SLC24A3: variants seen among roughly 807,000 people sequenced by gnomAD.
SLC24A3 encodes solute carrier family 24 member 3, also known as sodium/potassium/calcium exchanger 3.
Under a neutral mutation model 75.8 loss-of-function variants are expected in SLC24A3, and 28 were observed. The ratio of observed to expected loss-of-function variants is 0.37; its 90% CI spans 0.27 to 0.51. The LOEUF is 0.51. SLC24A3 is among the 20% of genes least tolerant of loss of function. The pLI is 0.94. For synonymous variants in SLC24A3, 372 were observed against 334.1 expected, an observed-to-expected ratio of 1.11 and a Z score of -1.24; for missense variants, 663 against 847.8, an observed-to-expected ratio of 0.78 and a Z score of 2.71.
chr20:19,388,852 T>G (rs1986318365), intron 2 of SLC24A3, among the ~76,000 whole-genome samples: 2 of 152,212 alleles, frequency 1.3e-5, no homozygotes, highest in African/African-American at 4.8e-5. Context: ...ATTGGATAAT[T>G]TCAGCCATTT....
intron 6 of SLC24A3, among the ~76,000 whole-genome samples, chr20:19,588,617 T>C (rs2031331879): frequency 6.6e-6 from 1 of 152,244 alleles, no homozygotes; most frequent in Non-Finnish European, 1.5e-5. Context: ...GTTCTTGGCA[T>C]CACTTCAAGA....
intron 6 of SLC24A3, among the ~76,000 whole-genome samples, chr20:19,632,947 C>T (rs896118452): frequency 6.6e-6 from 1 of 152,302 alleles, no homozygotes; most frequent in South Asian, 2.1e-4. Flanking sequence ...CTACAAGATA[C>T]GGACAACTTT....
intron 9 of SLC24A3, among the ~76,000 whole-genome samples, chr20:19,673,890 A>T (rs961063501): frequency 6.6e-6 from 1 of 152,196 alleles, no homozygotes; most frequent in Non-Finnish European, 1.5e-5. Flanking sequence ...TTCACTTGAG[A>T]ACTCTCTAGA....
intron 3 of SLC24A3, among the ~76,000 whole-genome samples, chr20:19,539,863 G>A (rs1037953142): frequency 9.9e-5 from 15 of 152,120 alleles, no homozygotes; most frequent in African/African-American, 3.6e-4. Context: ...GAGATTAAGG[G>A]GGAAACCTAG....
At chr20:19,597,155 G>A (rs183356171) in intron 6 of SLC24A3, among the ~76,000 whole-genome samples, 9 of 149,128 alleles carry the variant, frequency 6.0e-5, no homozygotes, top group Admixed American at 3.3e-4. Context: ...GGCCAAGGTG[G>A]GTGGATTGCT....
intron 1 of SLC24A3, among the ~76,000 whole-genome samples, chr20:19,268,829 A>G (rs574907499): frequency 1.3e-5 from 2 of 152,332 alleles, no homozygotes; most frequent in South Asian, 4.1e-4. Flanking sequence ...GCTCCTTTCC[A>G]TTCTTTTCTA....
chr20:19,348,749 C>T (rs1394437054), intron 2 of SLC24A3, among the ~76,000 whole-genome samples: 1 of 152,110 alleles, frequency 6.6e-6, no homozygotes, highest in Admixed American at 6.5e-5. Context: ...CAGGATATGC[C>T]GAGGAGTGCA....
At chr20:19,422,243 A>G (rs1254255855) in intron 2 of SLC24A3, among the ~76,000 whole-genome samples, 1 of 152,204 alleles carries the variant, frequency 6.6e-6, no homozygotes, top group Non-Finnish European at 1.5e-5. Flanking sequence ...CATCTTGGCC[A>G]CAGTGCTGTG....
intron 2 of SLC24A3, among the ~76,000 whole-genome samples, chr20:19,362,177 C>T (rs993991722): frequency 6.6e-6 from 1 of 152,214 alleles, no homozygotes; most frequent in Admixed American, 6.5e-5. Flanking sequence ...AGTGAAATCT[C>T]GCATTCTCTG....
chr20:19,606,485 T>C (rs1194080861), intron 6 of SLC24A3, among the ~76,000 whole-genome samples: 1 of 152,180 alleles, frequency 6.6e-6, no homozygotes, highest in Non-Finnish European at 1.5e-5. Context: ...GATTTTAAGC[T>C]CCAGTAAAGC....
At chr20:19,290,673 C>A (rs1983920415) in intron 2 of SLC24A3, among the ~76,000 whole-genome samples, 1 of 152,170 alleles carries the variant, frequency 6.6e-6, no homozygotes, top group African/African-American at 2.4e-5. Flanking sequence ...TCTATTATAG[C>A]AGCGTGAACA....
intron 2 of SLC24A3, among the ~76,000 whole-genome samples, chr20:19,417,078 T>C (rs1986839225): frequency 6.6e-6 from 1 of 152,098 alleles, no homozygotes; most frequent in African/African-American, 2.4e-5. Context: ...AGAGGCCACA[T>C]ACACAAAGGC....
chr20:19,646,688 C>T (rs1261806524), intron 6 of SLC24A3, among the ~76,000 whole-genome samples: 1 of 152,220 alleles, frequency 6.6e-6, no homozygotes, highest in Non-Finnish European at 1.5e-5. Context: ...GGAGAACAGT[C>T]ATGGCCTCTG....
rs74412618 is a variant in SLC24A3, at chr20:19,704,071, C to T, written c.1719+5391C>T. ...CTCCCTGAAGACAGGAACTGTGCTC[C>T]TCTATGCATTTATTATTTTGTTTGT... On this transcript the variant is annotated intron_variant, in intron 15 of 16. Coordinates refer to ENST00000328041, the MANE Select transcript of SLC24A3 (RefSeq NM_020689.4). 1.6e-3 allele frequency among the ~76,000 whole-genome samples: 244 copies of T among 152,292 alleles called. 1 individual carries two copies. The highest frequency in any genetic ancestry group is 5.6e-3 in the African/African-American group (233 of 41,556).
At chr20:19,592,793 C>CTTTTTT (rs11471623) in intron 6 of SLC24A3, among the ~76,000 whole-genome samples, 107 of 119,604 alleles carry the variant, frequency 8.9e-4, no homozygotes, top group African/African-American at 1.1e-3. Context: ...TTCTTTCTTT[C>CTTTTTT]TTTCTTTTTT....
rs376340281 is a variant in SLC24A3, at chr20:19,328,494, A to C, written c.271+47407A>C. On this transcript the variant is annotated intron_variant, in intron 2 of 16. Coordinates refer to ENST00000328041, the MANE Select transcript of SLC24A3 (RefSeq NM_020689.4). ...CAGGGGCAGGGTGAGGCGGTATCTG[A>C]TTCCGGACATGGTTTGCCTTCTTGC... Among the ~76,000 whole-genome samples the C allele has an allele frequency of 1.1e-4, 17 of 152,320 alleles. No individual in the cohort carries two copies. The South Asian group carries it at 3.5e-3, about 32-fold the overall frequency.
chr20:19,436,443 A>T (rs1006616900), intron 2 of SLC24A3, among the ~76,000 whole-genome samples: 1 of 152,096 alleles, frequency 6.6e-6, no homozygotes. Context: ...GCTCATGTAG[A>T]TTTACTGACC....
At chr20:19,493,365 A>T (rs1667245551) in intron 2 of SLC24A3, among the ~76,000 whole-genome samples, 2 of 152,216 alleles carry the variant, frequency 1.3e-5, no homozygotes, top group Non-Finnish European at 2.9e-5. Context: ...TTTTAAAAAG[A>T]GTAAGAAAGA....
At chr20:19,470,580 A>G (rs1425949770) in intron 2 of SLC24A3, among the ~76,000 whole-genome samples, 1 of 152,312 alleles carries the variant, frequency 6.6e-6, no homozygotes, top group Admixed American at 6.5e-5. Flanking sequence ...ACACTCGGGT[A>G]CATGTGCACA....
Sources: allele counts gnomAD v4.1 joint callset (sites outside exome capture counted in the v4.1 genomes callset), GRCh38; gene constraint gnomAD v4.1.1; transcripts MANE v1.5; gene names NCBI Gene and HGNC (gene_info 2026-07-23, HGNC 2026-07-21).